Variants in RFX4 observed in about 807,000 individuals in gnomAD.
RFX4 encodes transcription factor RFX4.
In RFX4, 10 loss-of-function variants were observed where a neutral mutation model predicts 95.0. The ratio of observed to expected loss-of-function variants is 0.11; its 90% CI spans 0.06 to 0.18. The LOEUF (loss-of-function observed/expected upper bound fraction) is 0.18. Among genes scored for constraint, RFX4 ranks in the 10% least tolerant of loss-of-function variants. The pLI is 1.00. For synonymous variants in RFX4, 321 were observed against 340.7 expected, an observed-to-expected ratio of 0.94 and a Z score of 0.64; for missense variants, 640 against 922.0, an observed-to-expected ratio of 0.69 and a Z score of 3.96.
chr12:106,629,335 G>A (rs145823015), intron 2 of RFX4, among the ~76,000 whole-genome samples: 15 of 152,270 alleles, frequency 9.9e-5, no homozygotes, highest in South Asian at 2.1e-4. Flanking sequence ...TGTATGCATC[G>A]TTTCGGATGT....
intron 4 of RFX4, 97 bp from the exon 5 acceptor site, chr12:106,681,896 A>G: frequency 1.6e-6 from 2 of 1,288,990 alleles, no homozygotes; most frequent in South Asian, 2.4e-5. Flanking sequence ...CCAAGGACCT[A>G]TGTTTTCCTC....
intron 15 of RFX4, among the ~76,000 whole-genome samples, chr12:106,735,044 TAAAA>T (rs36013040): frequency 1.8e-5 from 2 of 113,458 alleles, no homozygotes; most frequent in African/African-American, 3.2e-5. Flanking sequence ...ATAGCCTGTT[TAAAA>T]AAAAAAAAAA....
chr12:106,744,105 T>C (rs193142133), intron 15 of RFX4, among the ~76,000 whole-genome samples: 1 of 152,378 alleles, frequency 6.6e-6, no homozygotes, highest in Non-Finnish European at 1.5e-5. Flanking sequence ...GTAACAGTAA[T>C]ATAATTTCAC....
intron 3 of RFX4, among the ~76,000 whole-genome samples, chr12:106,650,484 G>C (rs1289259103): frequency 1.3e-5 from 2 of 152,204 alleles, no homozygotes; most frequent in African/African-American, 4.8e-5. Flanking sequence ...TGTAATCCCA[G>C]CACTTTGGGA....
chr12:106,591,261 C>CTTTTTTTTTTTTTTTTTTTT lies in RFX4; in HGVS notation c.43+7898_43+7899insTTTTTTTTTTTTTTTTTTTT, dbSNP rs1565942195. Among the ~76,000 whole-genome samples the CTTTTTTTTTTTTTTTTTTTT allele has an allele frequency of 6.0e-5, 4 of 66,466 alleles. 2 individuals are homozygous for CTTTTTTTTTTTTTTTTTTTT. 43.6% of individuals were successfully genotyped at this position (66,466 alleles called of 152,430 possible). A position where few individuals can be genotyped will look rare whatever the true frequency, so the allele number is the denominator to read the frequency against. On this transcript the variant is annotated intron_variant, in intron 1 of 17. Transcript: ENST00000392842. ...CCTATATGAAAGTGTTAAAATAGTCCCTTTTTTTTTTTTTTTTTTTTTTTT... is the reference window on the plus strand; with the variant it reads ...CCTATATGAAAGTGTTAAAATAGTCCTTTTTTTTTTTTTTTTTTTTCTTTTTTTTTTTTTTTTTTTTTTTT...
At chr12:106,591,651 A>C (rs1592828350) in intron 1 of RFX4, among the ~76,000 whole-genome samples, 1 of 152,196 alleles carries the variant, frequency 6.6e-6, no homozygotes, top group Admixed American at 6.5e-5. Flanking sequence ...CCTTTACTAC[A>C]CACGTGAAAT....
At chr12:106,728,978 G>C (rs1466229195) in intron 13 of RFX4, among the ~76,000 whole-genome samples, 2 of 152,186 alleles carry the variant, frequency 1.3e-5, no homozygotes, top group African/African-American at 2.4e-5. Flanking sequence ...TTAATGAAGA[G>C]AGCTTGAAGG....
At chr12:106,749,135 A>G (rs1462353550) in intron 16 of RFX4, among the ~76,000 whole-genome samples, 1 of 151,378 alleles carries the variant, frequency 6.6e-6, no homozygotes, top group African/African-American at 2.4e-5. Context: ...GGGTGCCTGT[A>G]GCCCCAGCTA....
intron 4 of RFX4, among the ~76,000 whole-genome samples, chr12:106,676,445 G>A (rs549625764): frequency 2.6e-5 from 4 of 152,344 alleles, no homozygotes; most frequent in East Asian, 1.9e-4. Context: ...TCAGGTGACC[G>A]TGGAGAATTG....
At chr12:106,593,586 AATG>A (rs147563116) in intron 1 of RFX4, among the ~76,000 whole-genome samples, 8 of 152,352 alleles carry the variant, frequency 5.3e-5, no homozygotes, top group South Asian at 4.1e-4. Context: ...TTGTGAATAA[AATG>A]ATGTCAGTGC....
intron 10 of RFX4, among the ~76,000 whole-genome samples, chr12:106,712,531 G>A (rs971749927): frequency 2.6e-5 from 4 of 152,080 alleles, no homozygotes; most frequent in Non-Finnish European, 5.9e-5. Context: ...GGTAGGGAGG[G>A]GTTTCTAGTT....
chr12:106,731,721 G>A (rs1399427591), intron 13 of RFX4, among the ~76,000 whole-genome samples: 1 of 152,174 alleles, frequency 6.6e-6, no homozygotes, highest in Non-Finnish European at 1.5e-5. Context: ...AGTCCAATTG[G>A]GGGAATAATA....
Position 106,732,112 on chromosome 12 carries a change from G to T in RFX4, c.1352-18G>T. 1 of 1,611,768 alleles carries T rather than the reference G, an allele frequency of 6.2e-7. No individual in the cohort carries two copies. Among genetic ancestry groups the T allele is most frequent in the South Asian group, 1.1e-5 (1 of 90,784 alleles). On this transcript the variant is annotated intron_variant, in intron 13 of 17. Transcript: ENST00000392842. ...AGACAGCACGACTTACTTTCTGTTT[G>T]ATCCTTTTTTTCACCAGGGTCTTTT... is the stretch of plus-strand genomic sequence containing the variant.
At chr12:106,656,793 C>T (rs2040969284) in intron 4 of RFX4, among the ~76,000 whole-genome samples, 1 of 152,156 alleles carries the variant, frequency 6.6e-6, no homozygotes, top group Non-Finnish European at 1.5e-5. Flanking sequence ...AGGTACCTCA[C>T]TCACCCCAAA....
chr12:106,731,506 T>C (rs965406228), intron 13 of RFX4, among the ~76,000 whole-genome samples: 9 of 152,174 alleles, frequency 5.9e-5, no homozygotes, highest in Non-Finnish European at 1.3e-4. Flanking sequence ...AATTGAAAAA[T>C]GAAGACTGCC....
chr12:106,613,434 C>A (rs994796961), intron 2 of RFX4, among the ~76,000 whole-genome samples: 1 of 151,166 alleles, frequency 6.6e-6, no homozygotes, highest in African/African-American at 2.4e-5. Flanking sequence ...ACAATCTTGG[C>A]TCACTGCAAC....
At chr12:106,615,619 G>C (rs1002789916) in intron 2 of RFX4, among the ~76,000 whole-genome samples, 1 of 152,102 alleles carries the variant, frequency 6.6e-6, no homozygotes, top group East Asian at 1.9e-4. Flanking sequence ...TGTTGTATTA[G>C]AGCCTCCATG....
At chr12:106,721,287 G>C (rs562295980) in intron 13 of RFX4, among the ~76,000 whole-genome samples, 1 of 152,310 alleles carries the variant, frequency 6.6e-6, no homozygotes, top group African/African-American at 2.4e-5. Flanking sequence ...CCATACTCTT[G>C]CTGTGGGCAG....
At chr12:106,738,051 G>T (rs566129834) in intron 15 of RFX4, among the ~76,000 whole-genome samples, 8 of 152,042 alleles carry the variant, frequency 5.3e-5, no homozygotes, top group African/African-American at 1.9e-4. Context: ...AGTACCATTC[G>T]CAGCTCTTCA....
Sources: allele counts gnomAD v4.1 joint callset (sites outside exome capture counted in the v4.1 genomes callset), GRCh38; gene constraint gnomAD v4.1.1; transcripts MANE v1.5; gene names NCBI Gene and HGNC (gene_info 2026-07-23, HGNC 2026-07-21).